The following LCORL variants were observed in gnomAD, a reference collection of about 807,000 sequenced individuals.
LCORL encodes ligand dependent nuclear receptor corepressor like.
In LCORL, 41 loss-of-function variants were observed where a neutral mutation model predicts 141.8. The observed-to-expected ratio is 0.29, with a 90% CI of 0.23 to 0.38. The LOEUF is 0.38. Ranked by LOEUF, LCORL falls within the 10% of genes least tolerant of loss-of-function variation. The pLI is 1.00. For missense variants in LCORL, 1,759 were observed against 2,035.0 expected (o/e 0.86, Z 2.61); for synonymous variants, 618 against 694.1 (o/e 0.89, Z 1.72).
chr4:17,856,657 C>G (rs1233556176), intron 7 of LCORL, among the ~76,000 whole-genome samples: 1 of 152,142 alleles, frequency 6.6e-6, no homozygotes, highest in Non-Finnish European at 1.5e-5. Flanking sequence ...CCCAAGTCAT[C>G]CTACTTTACT....
chr4:18,004,746 C>G (rs1303369940), intron 1 of LCORL, among the ~76,000 whole-genome samples: 1 of 152,116 alleles, frequency 6.6e-6, no homozygotes, highest in Non-Finnish European at 1.5e-5. Flanking sequence ...GTCCACAGTC[C>G]CACATCTCAT....
intron 4 of LCORL, among the ~76,000 whole-genome samples, chr4:17,923,294 G>A (rs1734587502): frequency 6.6e-6 from 1 of 152,186 alleles, no homozygotes; most frequent in Admixed American, 6.5e-5. Context: ...GTTGCAGCTT[G>A]GGGAGTTAAA....
chr4:18,017,212 G>A (rs966386072), intron 1 of LCORL, among the ~76,000 whole-genome samples: 1 of 152,056 alleles, frequency 6.6e-6, no homozygotes, highest in Admixed American at 6.5e-5. Flanking sequence ...AAACAACTGA[G>A]TAAATAATGG....
chr4:17,901,134 A>T (rs534826973), intron 5 of LCORL, among the ~76,000 whole-genome samples: 3 of 152,092 alleles, frequency 2.0e-5, no homozygotes, highest in Non-Finnish European at 2.9e-5. Flanking sequence ...GTTTAATCTG[A>T]ATTAAATATA....
At chr4:17,959,237 A>C (rs1713301027) in intron 4 of LCORL, among the ~76,000 whole-genome samples, 2 of 152,070 alleles carry the variant, frequency 1.3e-5, no homozygotes, top group South Asian at 4.1e-4. Context: ...TATTCCCCAT[A>C]GTTCCTCTCT....
At chr4:17,984,124 G>C (rs1718516202) in intron 1 of LCORL, among the ~76,000 whole-genome samples, 1 of 152,172 alleles carries the variant, frequency 6.6e-6, no homozygotes, top group Admixed American at 6.5e-5. Context: ...AAGCCTACCT[G>C]ATAGTGGTGT....
intron 2 of LCORL, among the ~76,000 whole-genome samples, chr4:17,969,847 G>GA (rs1170726235): frequency 1.3e-5 from 2 of 152,016 alleles, no homozygotes; most frequent in Non-Finnish European, 2.9e-5. Flanking sequence ...AGAGATTTCA[G>GA]AAAAAAAGCT....
exon 8 of LCORL, chr4:17,843,593 G>GTTA (rs1286542298): frequency 1.7e-6 from 1 of 591,014 alleles, no homozygotes; most frequent in Non-Finnish European, 2.9e-6. Flanking sequence ...AGCAGCATCA[G>GTTA]TTATTATAGT....
At chr4:17,973,305 G>C (rs898918486) in intron 1 of LCORL, among the ~76,000 whole-genome samples, 2 of 151,716 alleles carry the variant, frequency 1.3e-5, no homozygotes, top group South Asian at 2.1e-4. Flanking sequence ...GAGTAAATGA[G>C]GGTCAATAGG....
intron 1 of LCORL, among the ~76,000 whole-genome samples, chr4:17,984,190 T>C (rs1447074915): frequency 1.3e-5 from 2 of 152,196 alleles, no homozygotes; most frequent in Non-Finnish European, 2.9e-5. Context: ...TTGAGGATTT[T>C]TGCATCTATG....
At chr4:17,873,823 T>C (rs1049910549) in exon 7 of LCORL, 16 of 1,233,720 alleles carry the variant, frequency 1.3e-5, no homozygotes, top group Non-Finnish European at 1.6e-5. Flanking sequence ...TCTTTTAAGG[T>C]TTTTGACCTC....
At chr4:17,944,659 A>G (rs1253509075) in intron 4 of LCORL, among the ~76,000 whole-genome samples, 1 of 152,054 alleles carries the variant, frequency 6.6e-6, no homozygotes, top group Non-Finnish European at 1.5e-5. Flanking sequence ...CCACTTCTCC[A>G]AGGGGCTTTG....
At chr4:17,951,275 G>C (rs1473275143) in intron 4 of LCORL, among the ~76,000 whole-genome samples, 1 of 152,136 alleles carries the variant, frequency 6.6e-6, no homozygotes, top group Non-Finnish European at 1.5e-5. Flanking sequence ...TATAGTACAT[G>C]TTCATTGGTG....
intron 1 of LCORL, among the ~76,000 whole-genome samples, chr4:17,990,162 G>A (rs1038604052): frequency 7.0e-6 from 1 of 142,692 alleles, no homozygotes; most frequent in East Asian, 2.1e-4. Flanking sequence ...GCAGTGGCAC[G>A]ATCTCGGCTC....
chr4:17,979,085 C>A (rs1717523951), intron 1 of LCORL, among the ~76,000 whole-genome samples: 1 of 151,882 alleles, frequency 6.6e-6, no homozygotes, highest in Admixed American at 6.6e-5. Flanking sequence ...GTGTTATGTT[C>A]CCCTTCCTGT....
At chr4:17,905,167 T>C (rs1363031287) in intron 5 of LCORL, among the ~76,000 whole-genome samples, 2 of 152,150 alleles carry the variant, frequency 1.3e-5, no homozygotes, top group Non-Finnish European at 2.9e-5. Flanking sequence ...ATCAAATGTT[T>C]AAAACTGATG....
At chr4:17,842,045 T>C (rs1577216695) in exon 8 of LCORL, 1 of 364,580 alleles carries the variant, frequency 2.7e-6, no homozygotes, top group Non-Finnish European at 5.1e-6. Context: ...GAACTAAAAT[T>C]TGCCTTCTTT....
rs143821223 is a variant in LCORL, at chr4:17,887,449, G to C, written c.683-1288C>G. The stretch of plus-strand genomic sequence containing the variant: ...AGTGCAGGCTTCTTTGATTTGAACA[G>C]GGCCCTGAATAAGGTGAGGATCACC... On this transcript the variant is annotated intron_variant, in intron 5 of 7. Transcript: ENST00000635767. Among the ~76,000 whole-genome samples the C allele has an allele frequency of 6.8e-3, 1,029 of 152,212 alleles. 7 individuals are homozygous for C. The highest frequency in any genetic ancestry group is 0.014 in the Middle Eastern group (4 of 294).
intron 7 of LCORL, among the ~76,000 whole-genome samples, chr4:17,860,497 G>C (rs1360991592): frequency 2.0e-5 from 3 of 152,112 alleles, no homozygotes; most frequent in Admixed American, 1.3e-4. Context: ...CTCCCACCAG[G>C]TCCCTCCCAC....
Sources: gnomAD v4.1 joint callset for allele counts (sites outside exome capture counted in the v4.1 genomes callset) on GRCh38, gnomAD v4.1.1 for gene constraint, MANE v1.5 for transcripts, NCBI Gene and HGNC (gene_info 2026-07-23, HGNC 2026-07-21) for gene names.